The following ZDHHC17 variants were observed in gnomAD, a reference collection of about 807,000 sequenced individuals.
ZDHHC17 encodes the protein zDHHC palmitoyltransferase 17.
Under a neutral mutation model 90.3 loss-of-function variants are expected in ZDHHC17, and 40 were observed. That is an observed-to-expected ratio of 0.44 (90% CI 0.34 to 0.58). ZDHHC17 has a LOEUF of 0.58. Ranked by LOEUF, ZDHHC17 falls within the 20% of genes least tolerant of loss-of-function variation. The probability of loss-of-function intolerance (pLI) is 0.01; values close to 1 mark genes in which losing one functional copy is unlikely to be tolerated. For synonymous variants in ZDHHC17, 235 were observed against 252.4 expected, an observed-to-expected ratio of 0.93 and a Z score of 0.65; for missense variants, 614 against 780.8, an observed-to-expected ratio of 0.79 and a Z score of 2.55.
At chr12:76,789,498 GATATATTGGTATATGCAGTGGT>G (rs1306907992) in intron 1 of ZDHHC17, among the ~76,000 whole-genome samples, 4 of 152,122 alleles carry the variant, frequency 2.6e-5, no homozygotes, top group East Asian at 1.9e-4. Context: ...AGAACATTTT[GATATATTGGTATATGCAGTGGT>G]ATATATTGGT....
At chr12:76,784,120 G>A (rs77234039) in intron 1 of ZDHHC17, among the ~76,000 whole-genome samples, 5,858 of 152,256 alleles carry the variant, frequency 0.038, 267 homozygotes, top group African/African-American at 0.11. Flanking sequence ...AACTAAACTA[G>A]CACATATACC....
intron 10 of ZDHHC17, among the ~76,000 whole-genome samples, chr12:76,832,117 AT>A (rs1435829645): frequency 1.3e-5 from 2 of 152,234 alleles, no homozygotes; most frequent in African/African-American, 4.8e-5. Flanking sequence ...TCCCAGTTTT[AT>A]AAAGCCAGTA....
rs34062414 is a variant in ZDHHC17 at position 76,849,323 on chromosome 12, C to CAAAAAAA, written c.1666-41_1666-35dup. 1,237 of 454,296 alleles carry CAAAAAAA rather than the reference C, an allele frequency of 2.7e-3. 20 individuals are homozygous for CAAAAAAA. The highest frequency in any genetic ancestry group is 2.7e-3 in the South Asian group (83 of 30,244). The allele number at this position is 454,296 out of a possible 1,614,324, so 28.1% of individuals were successfully genotyped here. On this transcript the variant is annotated intron_variant, in intron 15 of 16. Coordinates refer to ENST00000426126, the MANE Select transcript of ZDHHC17 (RefSeq NM_015336.4). ...TGGGTGACAGGGCAAGGTCCTGTCT[C>CAAAAAAA]AAAAAAAAAAAAAAAAAACAAGAAT...
chr12:76,815,816 G>C, intron 6 of ZDHHC17, 41 bp from the exon 7 acceptor site: 1 of 1,439,084 alleles, frequency 6.9e-7, no homozygotes, highest in Non-Finnish European at 9.2e-7. Context: ...TTGAAATTAG[G>C]GTTGTTGTTG....
chr12:76,801,699 TA>T (rs1952893686), intron 2 of ZDHHC17, among the ~76,000 whole-genome samples: 1 of 152,190 alleles, frequency 6.6e-6, no homozygotes, highest in East Asian at 1.9e-4. Flanking sequence ...AATTTGAATT[TA>T]TGTTACTGAA....
At chr12:76,764,359 C>T in intron 1 of ZDHHC17, 30 bp downstream of exon 1, 4 of 1,545,544 alleles carry the variant, frequency 2.6e-6, no homozygotes, top group Non-Finnish European at 3.5e-6. Context: ...GGATTCCTTG[C>T]CCTGCGGCCC....
At chr12:76,764,369 C>T (rs1267442118) in intron 1 of ZDHHC17, 40 bp downstream of exon 1, 2 of 1,531,974 alleles carry the variant, frequency 1.3e-6, no homozygotes, top group Non-Finnish European at 1.8e-6. Context: ...CCCTGCGGCC[C>T]TCCAGCCTTT....
In ZDHHC17 at chr12:76,851,213, G is replaced by T. The variant is rs1953563733; in HGVS notation, c.*228G>T. ...AAAGATGATAAAAAATAATTTTAAT[G>T]GTTCTTAATGTGGAAATTCACAACA... On this transcript the variant is annotated 3_prime_UTR_variant, in exon 17 of 17. Transcript: ENST00000426126. The T allele has an allele frequency of 1.7e-5, 8 of 463,596 alleles. No individual in the cohort carries two copies. Among genetic ancestry groups the T allele is most frequent in the Admixed American group, 4.4e-5 (1 of 22,652 alleles). 28.7% of individuals were successfully genotyped at this position (463,596 alleles called of 1,614,324 possible).
intron 5 of ZDHHC17, 130 bp downstream of exon 5, chr12:76,809,987 T>G (rs1953000417): frequency 2.1e-6 from 2 of 949,018 alleles, no homozygotes; most frequent in Non-Finnish European, 1.5e-6. Context: ...AACATAAATA[T>G]AGTGAGTTTG....
chr12:76,809,631 A>G, intron 4 of ZDHHC17, 82 bp from the exon 5 acceptor site: 2 of 1,153,152 alleles, frequency 1.7e-6, no homozygotes, highest in Non-Finnish European at 2.3e-6. Flanking sequence ...TTCCCACCAT[A>G]CCTTACTTGA....
intron 10 of ZDHHC17, among the ~76,000 whole-genome samples, chr12:76,832,080 C>T (rs116672147): frequency 0.016 from 2,428 of 152,298 alleles, 33 homozygotes; most frequent in Middle Eastern, 0.041. Flanking sequence ...TCTCTAGGCC[C>T]TCTACGATTT....
intron 1 of ZDHHC17, among the ~76,000 whole-genome samples, chr12:76,772,707 G>GT (rs1454832728): frequency 3.7e-5 from 5 of 133,910 alleles, no homozygotes; most frequent in Admixed American, 2.2e-4. Context: ...GCTAACTTTT[G>GT]TATTTTTTTT....
At chr12:76,806,926 ACATTTT>A (rs1232154461) in intron 3 of ZDHHC17, among the ~76,000 whole-genome samples, 8 of 152,248 alleles carry the variant, frequency 5.3e-5, no homozygotes, top group Non-Finnish European at 1.2e-4. Flanking sequence ...CTGAATTGCT[ACATTTT>A]CAGTGCAGTG....
intron 1 of ZDHHC17, among the ~76,000 whole-genome samples, chr12:76,767,054 G>A (rs980695173): frequency 6.6e-6 from 1 of 151,636 alleles, no homozygotes; most frequent in Non-Finnish European, 1.5e-5. Flanking sequence ...AGAAAATGGA[G>A]ATGCTGCCTA....
intron 2 of ZDHHC17, among the ~76,000 whole-genome samples, chr12:76,804,800 A>G (rs1237471691): frequency 6.6e-6 from 1 of 152,116 alleles, no homozygotes; most frequent in Non-Finnish European, 1.5e-5. Flanking sequence ...CCTACCAGAC[A>G]CCTGATATTA....
intron 8 of ZDHHC17, among the ~76,000 whole-genome samples, chr12:76,823,323 A>T (rs899406870): frequency 7.9e-5 from 12 of 152,188 alleles, no homozygotes; most frequent in Admixed American, 3.3e-4. Context: ...GAGAGCTTAT[A>T]TTCTTGACCT....
At chr12:76,838,629 G>A (rs761970062) in intron 10 of ZDHHC17, among the ~76,000 whole-genome samples, 16 of 152,058 alleles carry the variant, frequency 1.1e-4, no homozygotes, top group Non-Finnish European at 1.9e-4. Flanking sequence ...TTTATTCTAC[G>A]CAGCCTTAGA....
At chr12:76,766,533 T>C (rs1010168791) in intron 1 of ZDHHC17, among the ~76,000 whole-genome samples, 17 of 152,326 alleles carry the variant, frequency 1.1e-4, no homozygotes, top group Middle Eastern at 3.4e-3. Flanking sequence ...TAAGCAGTGT[T>C]TTCAGTCTCC....
intron 10 of ZDHHC17, 117 bp downstream of exon 10, chr12:76,828,607 TC>T (rs1953259916): frequency 1.2e-6 from 1 of 831,974 alleles, no homozygotes; most frequent in Non-Finnish European, 1.8e-6. Flanking sequence ...AAAATAGTGT[TC>T]CTAGAAAATT....
Sources: allele counts gnomAD v4.1 joint callset (sites outside exome capture counted in the v4.1 genomes callset), GRCh38; gene constraint gnomAD v4.1.1; transcripts MANE v1.5; gene names NCBI Gene and HGNC (gene_info 2026-07-23, HGNC 2026-07-21).